Variants in PCDHA2 observed in about 807,000 individuals in gnomAD.
The protein encoded by PCDHA2 is protocadherin alpha-2.
Under a neutral mutation model 66.0 loss-of-function variants are expected in PCDHA2, and 58 were observed. The observed-to-expected ratio is 0.88, with a 90% confidence interval of 0.71 to 1.09. The LOEUF (loss-of-function observed/expected upper bound fraction) is 1.09. Among genes scored for constraint, PCDHA2 ranks in the 50% least tolerant of loss-of-function variants. The probability of loss-of-function intolerance (pLI) is 0.00; values close to 1 mark genes in which losing one functional copy is unlikely to be tolerated. For synonymous variants in PCDHA2, 634 were observed against 554.0 expected (o/e 1.14, Z -2.03); for missense variants, 1,267 against 1,242.3 (o/e 1.02, Z -0.30).
At chr5:140,832,862 T>C (rs1232593064) in intron 1 of PCDHA2, among the ~76,000 whole-genome samples, 2 of 152,192 alleles carry the variant, frequency 1.3e-5, no homozygotes, top group African/African-American at 2.4e-5. Flanking sequence ...AGAGTCATGA[T>C]GTTTTACTGG....
intron 1 of PCDHA2, chr5:140,842,671 C>A: frequency 1.9e-6 from 3 of 1,595,454 alleles, no homozygotes; most frequent in Non-Finnish European, 2.6e-6. Flanking sequence ...ACGTGAACGA[C>A]AATGCTCCGG....
chr5:140,841,307 A>G lies in PCDHA2; in HGVS notation c.2388+43955A>G. ...TATTAAGATAATATTTTCTGATAGGAAACGACTATTTAACATGGATTATCA... is the reference window on the plus strand; with the variant it reads ...TATTAAGATAATATTTTCTGATAGGGAACGACTATTTAACATGGATTATCA... On this transcript the variant is annotated intron_variant, in intron 1 of 3. Coordinates refer to ENST00000526136, the MANE Select transcript of PCDHA2 (RefSeq NM_018905.3). 3 of 1,579,516 alleles carry G rather than the reference A, an allele frequency of 1.9e-6. No individual in the cohort carries two copies. In the African/African-American group the frequency reaches 4.1e-5, roughly 22 times the overall value.
intron 3 of PCDHA2, among the ~76,000 whole-genome samples, chr5:141,000,409 ATATATATATATATTT>A (rs2097918498): frequency 1.1e-5 from 1 of 94,040 alleles, no homozygotes; most frequent in East Asian, 3.1e-4. Flanking sequence ...ATATATATAT[ATATATATATATATTT>A]TTTTTTTTTT....
chr5:140,884,305 G>C, intron 1 of PCDHA2: 1 of 1,613,720 alleles, frequency 6.2e-7, no homozygotes, highest in African/African-American at 1.3e-5. Flanking sequence ...CACAGGCTTC[G>C]TCGAGGGCGT....
At chr5:140,969,232 C>G in intron 1 of PCDHA2, 1 of 1,614,066 alleles carries the variant, frequency 6.2e-7, no homozygotes, top group Non-Finnish European at 8.5e-7. Flanking sequence ...CTTCGGGAGC[C>G]CAAGCAGCAG....
At chr5:140,850,090 A>G (rs2150466556) in intron 1 of PCDHA2, 1 of 1,596,664 alleles carries the variant, frequency 6.3e-7, no homozygotes, top group Admixed American at 1.7e-5. Context: ...GAGCTGCTAC[A>G]GTTCCAGGTG....
chr5:140,972,661 T>C, intron 1 of PCDHA2, among the ~76,000 whole-genome samples: 1 of 48,668 alleles, frequency 2.1e-5, no homozygotes, highest in South Asian at 6.9e-4. Flanking sequence ...AGAAACCAAA[T>C]TTTTTTTTTT....
chr5:140,858,550 C>T, intron 1 of PCDHA2: 1 of 1,392,416 alleles, frequency 7.2e-7, no homozygotes. Context: ...TCCATTTATG[C>T]TTGAATATTT....
intron 1 of PCDHA2, chr5:140,834,264 C>T (rs1772874708): frequency 9.9e-7 from 1 of 1,010,524 alleles, no homozygotes; most frequent in Non-Finnish European, 1.5e-6. Context: ...GCTCCACTCT[C>T]TTTCACTCTT....
intron 1 of PCDHA2, among the ~76,000 whole-genome samples, chr5:140,896,910 T>C (rs1174063416): frequency 1.3e-5 from 2 of 152,208 alleles, no homozygotes; most frequent in Non-Finnish European, 2.9e-5. Context: ...AAGCATGCAA[T>C]GCACAATAAT....
intron 1 of PCDHA2, chr5:140,801,541 AGGTTTT>A: frequency 6.2e-7 from 1 of 1,614,232 alleles, no homozygotes; most frequent in Non-Finnish European, 8.5e-7. Context: ...AGGCCGCTGC[AGGTTTT>A]CCATGTGGAG....
At chr5:140,808,808 G>C in intron 1 of PCDHA2, 2 of 1,612,754 alleles carry the variant, frequency 1.2e-6, no homozygotes. Flanking sequence ...TCGCGATGCC[G>C]GCGTGCCACC....
rs1554151795 is a variant in PCDHA2, at chr5:140,858,568, T to C, written c.2388+61216T>C. On this transcript the variant is annotated intron_variant, in intron 1 of 3. Transcript: ENST00000526136. ...ATTTATGCTTGAATATTTCTAGTGA[T>C]ACCTTTGTAATATAATTTATTCCAG... 5.8e-6 allele frequency: 8 copies of C among 1,371,312 alleles called. 1 individual carries two copies. Among genetic ancestry groups the C allele is most frequent in the African/African-American group, 5.8e-5 (4 of 69,536 alleles). 84.9% of individuals were successfully genotyped at this position (1,371,312 alleles called of 1,614,324 possible).
In PCDHA2 at chr5:140,912,343, A is replaced by T. The variant is rs547543923; in HGVS notation, c.2389-66606A>T. Among the ~76,000 whole-genome samples, 324 of 143,902 alleles carry T rather than the reference A, an allele frequency of 2.3e-3. 1 individual carries two copies. The highest frequency in any genetic ancestry group is 7.8e-3 in the African/African-American group (308 of 39,358). 94.4% of individuals were successfully genotyped at this position (143,902 alleles called of 152,430 possible). A position where few individuals can be genotyped will look rare whatever the true frequency, so the allele number is the denominator to read the frequency against. On this transcript the variant is annotated intron_variant, in intron 1 of 3. Transcript: ENST00000526136. ...CTCAGTATTAACCAGTACACTAAGT[A>T]TTTTTTTTTTTTTTTGCAGCTGTTG... is the stretch of plus-strand genomic sequence containing the variant.
At chr5:141,007,395 C>CAAAAAA (rs35800918) in intron 3 of PCDHA2, among the ~76,000 whole-genome samples, 36 of 94,826 alleles carry the variant, frequency 3.8e-4, no homozygotes, top group African/African-American at 6.0e-4. Context: ...TACTAAAATA[C>CAAAAAA]AAAAAAAAAA....
chr5:140,955,914 G>A (rs1293205418), intron 1 of PCDHA2, among the ~76,000 whole-genome samples: 1 of 152,140 alleles, frequency 6.6e-6, no homozygotes, highest in East Asian at 1.9e-4. Context: ...TAGCAATTGT[G>A]AATGGGAGTT....
At chr5:140,828,215 G>T in intron 1 of PCDHA2, 2 of 1,614,016 alleles carry the variant, frequency 1.2e-6, no homozygotes, top group Middle Eastern at 1.7e-4. Context: ...GGCCAAACAC[G>T]GCACCTTCGT....
chr5:140,917,952 GA>G (rs1180047836), intron 1 of PCDHA2, among the ~76,000 whole-genome samples: 1 of 152,002 alleles, frequency 6.6e-6, no homozygotes, highest in Non-Finnish European at 1.5e-5. Flanking sequence ...AGTTTGATAG[GA>G]ACATCATTGA....
chr5:140,940,499 G>A (rs190058542), intron 1 of PCDHA2, among the ~76,000 whole-genome samples: 23 of 151,756 alleles, frequency 1.5e-4, no homozygotes, highest in African/African-American at 3.9e-4. Context: ...GTCTTGCTCC[G>A]TCGCTCAGGC....
Sources: allele counts gnomAD v4.1 joint callset (sites outside exome capture counted in the v4.1 genomes callset), GRCh38; gene constraint gnomAD v4.1.1; transcripts MANE v1.5; gene names NCBI Gene and HGNC (gene_info 2026-07-23, HGNC 2026-07-21).